Variants in ATR observed in about 807,000 individuals in gnomAD.
ATR encodes the protein serine/threonine-protein kinase ATR.
In ATR, 142 loss-of-function variants were observed where a neutral mutation model predicts 305.3. The observed-to-expected ratio is 0.47, with a 90% CI of 0.41 to 0.53. The LOEUF is 0.53. ATR is among the 20% of genes least tolerant of loss of function. ATR has a pLI of 0.00. For synonymous variants in ATR, 1,050 were observed against 1,068.1 expected, an observed-to-expected ratio of 0.98 and a Z score of 0.33; for missense variants, 2,135 against 3,133.1, an observed-to-expected ratio of 0.68 and a Z score of 7.60.
intron 24 of ATR, among the ~76,000 whole-genome samples, chr3:142,517,169 G>A (rs1483280679): frequency 6.6e-6 from 1 of 151,414 alleles, no homozygotes; most frequent in Non-Finnish European, 1.5e-5. Flanking sequence ...AACTTAGCTA[G>A]AAAACTACTG....
At position 142,450,951 on chromosome 3, in the gene ATR, A is replaced by G. The variant is rs530308196; in HGVS notation, c.7762-1349T>C. On this transcript the variant is annotated intron_variant, in intron 46 of 46. Transcript: ENST00000350721. ...TCGCGGAGCTCACCTCAGAAAAGAA[A>G]AACCCTTTGCAGAATCTGACACTCA... 25 of 1,208,088 alleles carry G rather than the reference A, an allele frequency of 2.1e-5. No homozygotes were observed. In the South Asian group the frequency reaches 4.1e-4, roughly 20 times the overall value. 74.8% of individuals were successfully genotyped at this position (1,208,088 alleles called of 1,614,324 possible).
intron 46 of ATR, chr3:142,451,959 C>T (rs551737268): frequency 3.1e-5 from 35 of 1,132,138 alleles, no homozygotes; most frequent in Middle Eastern, 7.2e-4. Context: ...TATCACTTAA[C>T]GAAAAGGAAC....
chr3:142,452,763 G>T, intron 46 of ATR: 1 of 1,086,534 alleles, frequency 9.2e-7, no homozygotes, highest in Non-Finnish European at 1.1e-6. Context: ...GTGAATTGCT[G>T]CATTTGTTAA....
chr3:142,554,865 C>T (rs1446052813), intron 10 of ATR, among the ~76,000 whole-genome samples: 1 of 151,524 alleles, frequency 6.6e-6, no homozygotes, highest in African/African-American at 2.4e-5. Flanking sequence ...AGGATGCAGA[C>T]TGCAGTGAGC....
chr3:142,556,957 A>C (rs2034693672), intron 8 of ATR, among the ~76,000 whole-genome samples: 1 of 152,222 alleles, frequency 6.6e-6, no homozygotes, highest in Non-Finnish European at 1.5e-5. Context: ...ACAGGAGTGT[A>C]AACTGGTGTA....
At chr3:142,578,501 A>C (rs1400307133) in intron 1 of ATR, 145 bp downstream of exon 1, 1 of 973,826 alleles carries the variant, frequency 1.0e-6, no homozygotes, top group Non-Finnish European at 1.5e-6. Context: ...GAAGCGCCCA[A>C]ATCAGCCACG....
chr3:142,554,662 C>T (rs1008490934), intron 10 of ATR, among the ~76,000 whole-genome samples: 1 of 152,144 alleles, frequency 6.6e-6, no homozygotes, highest in African/African-American at 2.4e-5. Flanking sequence ...TGACTCATAC[C>T]TGTAATCCCA....
rs146741961 is a variant in ATR, at chr3:142,562,524, T to C, written c.878A>G (p.Glu293Gly). 6.8e-6 allele frequency: 11 copies of C among 1,613,684 alleles called. No individual in the cohort carries two copies. The highest frequency in any genetic ancestry group is 1.7e-5 in the Admixed American group (1 of 59,938). ...TGTCTTTATCAGCTTTGATAATGGCTCTTCATAGAGTTTCAATTGGTCAGT... is the reference window on the plus strand; with the variant it reads ...TGTCTTTATCAGCTTTGATAATGGCCCTTCATAGAGTTTCAATTGGTCAGT... ...MDTDQLKLYE[E>G]PLSKLIKTLF... The change falls in exon 4 of 47, where the codon GAG (glutamate) becomes GGG (glycine). Residue 293 changes from glutamate to glycine, a missense_variant. Around this residue, in one of 9 missense-constraint regions of ATR, gnomAD observed 744 missense variants for 873.2 expected, o/e 0.85. Coordinates refer to ENST00000350721, the MANE Select transcript of ATR (RefSeq NM_001184.4).
At chr3:142,450,812 C>A in intron 46 of ATR, 1 of 1,396,714 alleles carries the variant, frequency 7.2e-7, no homozygotes, top group Non-Finnish European at 9.4e-7. Flanking sequence ...GTGGTCCAAC[C>A]ACAAGCAGAC....
At chr3:142,528,877 A>ATTTTTTTTTTT (rs201313146) in intron 21 of ATR, among the ~76,000 whole-genome samples, 19 of 47,696 alleles carry the variant, frequency 4.0e-4, no homozygotes, top group African/African-American at 9.8e-4. Context: ...ATATATATAT[A>ATTTTTTTTTTT]TATTTTTTTT....
intron 33 of ATR, 47 bp downstream of exon 33, chr3:142,496,966 C>A (rs2031683211): frequency 6.4e-7 from 1 of 1,562,762 alleles, no homozygotes; most frequent in Non-Finnish European, 8.7e-7. Context: ...TATCCAAATA[C>A]CAAATTCAAG....
intron 30 of ATR, among the ~76,000 whole-genome samples, chr3:142,502,068 G>A (rs2031996551): frequency 6.6e-6 from 1 of 152,024 alleles, no homozygotes; most frequent in Non-Finnish European, 1.5e-5. Context: ...TTATTAAAAA[G>A]TCAAAAAAGA....
intron 35 of ATR, among the ~76,000 whole-genome samples, chr3:142,492,345 C>T (rs2031336200): frequency 6.6e-6 from 1 of 152,172 alleles, no homozygotes; most frequent in Non-Finnish European, 1.5e-5. Flanking sequence ...CTTATAGCCT[C>T]TGCATGTTTA....
chr3:142,515,417 C>T lies in ATR; in HGVS notation c.4481G>A (p.Trp1494Ter). 6.2e-7 allele frequency: 1 copy of T among 1,613,838 alleles called. No homozygotes were observed. ...TACCTTTGTAATAAGATAACCTGCCCAAGATGCTGACCATTCTGCAAAGTT... is the reference window on the plus strand; with the variant it reads ...TACCTTTGTAATAAGATAACCTGCCTAAGATGCTGACCATTCTGCAAAGTT... ...GSNFAEWSAS[W>*]AGYLITKVRH... The change falls in exon 25 of 47, where the codon TGG (tryptophan) becomes TAG (stop). Residue 1494 changes from tryptophan to a stop codon, truncating the protein, a stop_gained. Coordinates refer to ENST00000350721, the MANE Select transcript of ATR (RefSeq NM_001184.4). LOFTEE classifies it high-confidence loss of function.
intron 41 of ATR, among the ~76,000 whole-genome samples, chr3:142,462,456 G>A (rs898186284): frequency 3.3e-5 from 5 of 151,716 alleles, no homozygotes; most frequent in African/African-American, 1.2e-4. Context: ...TAGGCACAGA[G>A]ACTGCTATTT....
intron 22 of ATR, 87 bp downstream of exon 22, chr3:142,523,906 A>G (rs2033260209): frequency 7.3e-7 from 1 of 1,361,724 alleles, no homozygotes; most frequent in Non-Finnish European, 1.0e-6. Context: ...TTTATTAAGG[A>G]TAAGCTGAAT....
intron 1 of ATR, among the ~76,000 whole-genome samples, chr3:142,577,044 T>C (rs1322271227): frequency 1.3e-5 from 2 of 152,196 alleles, no homozygotes; most frequent in Non-Finnish European, 2.9e-5. Context: ...TGTCCCTTTT[T>C]CTTAAACAGT....
At chr3:142,496,562 A>G in intron 33 of ATR, 42 bp from the exon 34 acceptor site, 1 of 1,575,872 alleles carries the variant, frequency 6.3e-7, no homozygotes. Flanking sequence ...GACCATTGGT[A>G]AGTGTACACA....
chr3:142,512,155 G>C (rs1385092706), intron 27 of ATR, 105 bp downstream of exon 27: 1 of 1,006,872 alleles, frequency 9.9e-7, no homozygotes, highest in Admixed American at 2.3e-5. Flanking sequence ...CATGAAGCAA[G>C]GTATTTTTTA....
Sources: allele counts gnomAD v4.1 joint callset (sites outside exome capture counted in the v4.1 genomes callset), GRCh38; gene constraint gnomAD v4.1.1; regional missense constraint gnomAD v4.1.1; transcripts MANE v1.5; gene names NCBI Gene and HGNC (gene_info 2026-07-23, HGNC 2026-07-21).